KCNB2: variants seen among roughly 807,000 people sequenced by gnomAD.
The protein encoded by KCNB2 is potassium voltage-gated channel subfamily B member 2.
In KCNB2, 15 loss-of-function variants were observed where a neutral mutation model predicts 61.5. The observed-to-expected ratio is 0.24, with a 90% confidence interval of 0.16 to 0.38. The LOEUF (loss-of-function observed/expected upper bound fraction) is 0.38. Ranked by LOEUF, KCNB2 falls within the 10% of genes least tolerant of loss-of-function variation. The pLI, the probability that KCNB2 is intolerant of heterozygous loss-of-function variation, is 1.00. For synonymous variants in KCNB2, 457 were observed against 446.0 expected, an observed-to-expected ratio of 1.02 and a Z score of -0.31; for missense variants, 828 against 1,125.2, an observed-to-expected ratio of 0.74 and a Z score of 3.78.
chr8:72,607,359 A>T (rs960521957), intron 2 of KCNB2, among the ~76,000 whole-genome samples: 1 of 152,016 alleles, frequency 6.6e-6, no homozygotes, highest in African/African-American at 2.4e-5. Context: ...ATTACAAGGC[A>T]CTCCAAGGAC....
intron 2 of KCNB2, among the ~76,000 whole-genome samples, chr8:72,714,838 A>G (rs1182714260): frequency 6.6e-6 from 1 of 152,186 alleles, no homozygotes; most frequent in Non-Finnish European, 1.5e-5. Context: ...AATGGGCTAA[A>G]TGCTCCAATT....
intron 2 of KCNB2, among the ~76,000 whole-genome samples, chr8:72,926,754 C>T (rs1396101061): frequency 2.0e-5 from 3 of 152,124 alleles, no homozygotes; most frequent in African/African-American, 4.8e-5. Flanking sequence ...CAAGCAGGGT[C>T]GAGATTCTAC....
chr8:72,568,410 G>A (rs1443262685), intron 2 of KCNB2, 97 bp downstream of exon 2: 2 of 1,036,260 alleles, frequency 1.9e-6, no homozygotes, highest in African/African-American at 3.2e-5. Context: ...TGGTAACACA[G>A]AACAAAGTGT....
At position 72,828,879 on chromosome 8, in the gene KCNB2, C is replaced by T. The variant is rs117483028; in HGVS notation, c.580-107056C>T. The stretch of plus-strand genomic sequence containing the variant: ...AACATTTTTGACAGTTTGCAAATAC[C>T]GCCTTGTATTTCTGATTCAGCCTTA... On this transcript the variant is annotated intron_variant, in intron 2 of 2. Transcript: ENST00000523207. 2.8e-3 allele frequency among the ~76,000 whole-genome samples: 420 copies of T among 151,920 alleles called. 4 individuals carry two copies. The highest frequency in any genetic ancestry group is 3.6e-3 in the Non-Finnish European group (247 of 67,996).
At chr8:72,853,474 C>T (rs529474863) in intron 2 of KCNB2, among the ~76,000 whole-genome samples, 59 of 152,300 alleles carry the variant, frequency 3.9e-4, no homozygotes, top group African/African-American at 1.4e-3. Context: ...GCTGAAAGCA[C>T]TCATCCAATA....
intron 2 of KCNB2, among the ~76,000 whole-genome samples, chr8:72,932,965 C>G (rs1251903838): frequency 6.6e-6 from 1 of 152,148 alleles, no homozygotes; most frequent in African/African-American, 2.4e-5. Context: ...CCAAGCTTCA[C>G]AAGATGTTTA....
chr8:72,825,597 G>C (rs1809584390), intron 2 of KCNB2, among the ~76,000 whole-genome samples: 1 of 152,190 alleles, frequency 6.6e-6, no homozygotes. Flanking sequence ...TTCAATGGGT[G>C]TGAAGTGGTA....
At chr8:72,725,529 A>ATGTG (rs1554587039) in intron 2 of KCNB2, among the ~76,000 whole-genome samples, 22,301 of 77,780 alleles carry the variant, frequency 0.29, 3,591 homozygotes, top group Non-Finnish European at 0.38. Flanking sequence ...ATATATATAT[A>ATGTG]TATATATATA....
At chr8:72,766,212 C>T (rs1351369731) in intron 2 of KCNB2, among the ~76,000 whole-genome samples, 1 of 152,130 alleles carries the variant, frequency 6.6e-6, no homozygotes, top group East Asian at 1.9e-4. Context: ...ACACAGATTC[C>T]CAGGTTTCAG....
chr8:72,700,498 C>T (rs1485448910), intron 2 of KCNB2, among the ~76,000 whole-genome samples: 1 of 151,610 alleles, frequency 6.6e-6, no homozygotes, highest in East Asian at 1.9e-4. Flanking sequence ...AAATCAAAAC[C>T]ACAATGAGAT....
chr8:72,934,394 CAAAAA>C lies in KCNB2; in HGVS notation c.580-1525_580-1521del, dbSNP rs11392513. ...AAAACCTTTCCCCCTTCACCCCCCGCAAAAAAAAAAAAAAAAAAAAGTAAAGGAGA... is the reference window on the plus strand; with the variant it reads ...AAAACCTTTCCCCCTTCACCCCCCGCAAAAAAAAAAAAAAAGTAAAGGAGA... On this transcript the variant is annotated intron_variant, in intron 2 of 2. Coordinates refer to ENST00000523207, the MANE Select transcript of KCNB2 (RefSeq NM_004770.3). Among the ~76,000 whole-genome samples the C allele has an allele frequency of 8.4e-5, 7 of 83,808 alleles. No homozygotes were observed. The East Asian group carries it at 2.5e-3, about 30-fold the overall frequency. The allele number at this position is 83,808 out of a possible 152,430, so 55.0% of individuals were successfully genotyped here. A position where few individuals can be genotyped will look rare whatever the true frequency, so the allele number is the denominator to read the frequency against.
In KCNB2 at chr8:72,920,469, C is replaced by CTATATATATATATA. The variant is rs1168802571; in HGVS notation, c.580-15463_580-15462insATATATATATATAT. Among the ~76,000 whole-genome samples, 17 of 71,304 alleles carry CTATATATATATATA rather than the reference C, an allele frequency of 2.4e-4. 1 individual carries two copies. Among genetic ancestry groups the CTATATATATATATA allele is most frequent in the African/African-American group, 8.6e-4 (16 of 18,618 alleles). 46.8% of individuals were successfully genotyped at this position (71,304 alleles called of 152,430 possible). ...TCTATCTATCTATCTATCTATCTAT[C>CTATATATATATATA]TATCTATATATATATATATTAGCTG... is the stretch of plus-strand genomic sequence containing the variant. On this transcript the variant is annotated intron_variant, in intron 2 of 2. Coordinates refer to ENST00000523207, the MANE Select transcript of KCNB2 (RefSeq NM_004770.3).
intron 2 of KCNB2, among the ~76,000 whole-genome samples, chr8:72,800,158 T>C (rs1228367801): frequency 6.6e-6 from 1 of 152,150 alleles, no homozygotes; most frequent in Non-Finnish European, 1.5e-5. Flanking sequence ...TCCCATGAAA[T>C]ACATACGTGT....
At chr8:72,790,158 C>G (rs1808913349) in intron 2 of KCNB2, among the ~76,000 whole-genome samples, 1 of 152,074 alleles carries the variant, frequency 6.6e-6, no homozygotes, top group Non-Finnish European at 1.5e-5. Context: ...ATTCTGGAAG[C>G]CCAGGGAAAG....
At chr8:72,749,886 A>G (rs1808158976) in intron 2 of KCNB2, among the ~76,000 whole-genome samples, 1 of 148,094 alleles carries the variant, frequency 6.8e-6, no homozygotes, top group African/African-American at 2.5e-5. Flanking sequence ...TCCATGTTTT[A>G]AAACATAATA....
chr8:72,614,656 A>G (rs1805591069), intron 2 of KCNB2, among the ~76,000 whole-genome samples: 2 of 152,170 alleles, frequency 1.3e-5, no homozygotes, highest in South Asian at 4.1e-4. Flanking sequence ...GACTTTTCTA[A>G]TAAGCATTGC....
At chr8:72,865,606 C>A (rs1327278962) in intron 2 of KCNB2, among the ~76,000 whole-genome samples, 2 of 152,162 alleles carry the variant, frequency 1.3e-5, no homozygotes, top group Admixed American at 1.3e-4. Flanking sequence ...ACCCCTCCTT[C>A]GTTGCTTACA....
At chr8:72,752,912 T>G (rs1416520706) in intron 2 of KCNB2, among the ~76,000 whole-genome samples, 2 of 152,172 alleles carry the variant, frequency 1.3e-5, no homozygotes, top group East Asian at 3.8e-4. Context: ...TAAGCTCTCA[T>G]GAGTTCCCAT....
chr8:72,778,733 CAAAAAAAAAAAAAAAAAAA>C (rs753797385), intron 2 of KCNB2, among the ~76,000 whole-genome samples: 8 of 14,172 alleles, frequency 5.6e-4, no homozygotes, highest in Non-Finnish European at 8.8e-4. Context: ...ACAGAGCGAG[CAAAAAAAAAAAAAAAAAAA>C]AAAAAAAAAA....
Sources: allele counts gnomAD v4.1 joint callset (sites outside exome capture counted in the v4.1 genomes callset), GRCh38; gene constraint gnomAD v4.1.1; transcripts MANE v1.5; gene names NCBI Gene and HGNC (gene_info 2026-07-23, HGNC 2026-07-21).